Variants in FANCA observed in about 807,000 individuals in gnomAD.
The protein encoded by FANCA is Fanconi anemia group A protein.
Under a neutral mutation model 194.3 loss-of-function variants are expected in FANCA, and 236 were observed. That is an observed-to-expected ratio of 1.21 (90% CI 1.09 to 1.35). FANCA has a LOEUF of 1.35. FANCA is among the 40% of genes most tolerant of loss of function. FANCA has a pLI of 0.00. For synonymous variants in FANCA, 1,014 were observed against 715.8 expected, an observed-to-expected ratio of 1.42 and a Z score of -6.65; for missense variants, 2,628 against 1,813.9, an observed-to-expected ratio of 1.45 and a Z score of -8.15.
Position 89,810,945 on chromosome 16 carries a change from A to G in FANCA, c.410T>C (p.Leu137Pro). 6.2e-7 allele frequency: 1 copy of G among 1,614,156 alleles called. No homozygotes were observed. The highest frequency in any genetic ancestry group is 8.5e-7 in the Non-Finnish European group (1 of 1,180,046). ...APAETSHPVL[L>P]TVEQRKKLSS... ...GTGTCTTACTCTCTGCTCCACAGTC[A>G]GCAGCACAGGGTGACTGGTCTCCGC... The change falls in exon 4 of 43, where the codon CTG becomes CCG. Residue 137 changes from leucine to proline, a missense_variant. Physicochemically the swap from Leu to Pro is moderately conservative, Grantham distance 98 (BLOSUM62 -3). Coordinates refer to ENST00000389301, the MANE Select transcript of FANCA (RefSeq NM_000135.4).
At chr16:89,781,828 T>C (rs2039718408) in intron 17 of FANCA, among the ~76,000 whole-genome samples, 1 of 146,560 alleles carries the variant, frequency 6.8e-6, no homozygotes, top group South Asian at 2.2e-4. Flanking sequence ...TGAAACCTCA[T>C]CTCTACTAAA....
At chr16:89,808,851 T>C (rs11076629) in intron 5 of FANCA, among the ~76,000 whole-genome samples, 102,075 of 151,590 alleles carry the variant, frequency 0.67, 35,395 homozygotes, top group East Asian at 0.99. Context: ...ACACTGTGCC[T>C]GTCACACTGC....
intron 30 of FANCA, among the ~76,000 whole-genome samples, chr16:89,755,577 T>A (rs934075821): frequency 1.3e-5 from 2 of 152,170 alleles, no homozygotes; most frequent in African/African-American, 4.8e-5. Context: ...GATCTGGACT[T>A]TATAAAAATT....
chr16:89,805,081 G>A (rs902317618), intron 7 of FANCA, among the ~76,000 whole-genome samples, 199 bp downstream of exon 7: 1 of 152,098 alleles, frequency 6.6e-6, no homozygotes, highest in Non-Finnish European at 1.5e-5. Context: ...CTCATGTCAA[G>A]GCCGACTTAC....
intron 6 of FANCA, among the ~76,000 whole-genome samples, chr16:89,805,988 C>G (rs1338122751): frequency 6.6e-6 from 1 of 152,090 alleles, no homozygotes; most frequent in East Asian, 1.9e-4. Context: ...TCTCAGCTCA[C>G]TACAACCTCC....
chr16:89,792,109 C>T (rs778744924), intron 12 of FANCA, 41 bp from the exon 13 acceptor site: 3 of 1,613,762 alleles, frequency 1.9e-6, no homozygotes, highest in Admixed American at 3.3e-5. Flanking sequence ...TCCAAGCAAA[C>T]CAATGTGCGA....
rs1454002832 is a variant in FANCA at position 89,738,747 on chromosome 16, C to T, written c.4261-39G>A. ...GCAGGTCCTCAGCCCATGCCGCCCA[C>T]TAGGCCTCAGACCACAGGGGAGGGG... On this transcript the variant is annotated intron_variant, in intron 42 of 42. Transcript: ENST00000389301. 1.8e-5 allele frequency: 29 copies of T among 1,612,826 alleles called. 1 individual carries two copies. In the Admixed American group the frequency reaches 3.5e-4, roughly 20 times the overall value.
intron 26 of FANCA, among the ~76,000 whole-genome samples, chr16:89,768,698 C>T (rs2039215421): frequency 6.6e-6 from 1 of 151,858 alleles, no homozygotes; most frequent in Non-Finnish European, 1.5e-5. Flanking sequence ...AAAAACAAAA[C>T]ACACACCAAA....
chr16:89,777,577 GA>G (rs942094317), intron 20 of FANCA, among the ~76,000 whole-genome samples: 7 of 143,156 alleles, frequency 4.9e-5, no homozygotes, highest in Admixed American at 1.4e-4. Context: ...TACAAAAAAA[GA>G]AAAAAAAAAG....
At chr16:89,795,018 C>T (rs2040195704) in intron 11 of FANCA, among the ~76,000 whole-genome samples, 2 of 152,188 alleles carry the variant, frequency 1.3e-5, no homozygotes, top group Non-Finnish European at 2.9e-5. Flanking sequence ...GGCACAGCGG[C>T]ACACGCCTGT....
chr16:89,816,079 C>T (rs925451520), intron 1 of FANCA, 93 bp from the exon 2 acceptor site: 3 of 900,668 alleles, frequency 3.3e-6, no homozygotes, highest in African/African-American at 3.3e-5. Flanking sequence ...GAGAAACCCA[C>T]CAGCGACACC....
chr16:89,791,316 A>C, intron 14 of FANCA, 87 bp downstream of exon 14: 4 of 1,539,404 alleles, frequency 2.6e-6, no homozygotes, highest in Non-Finnish European at 2.7e-6. Context: ...CTCACATGAC[A>C]GAGAATCAGG....
chr16:89,739,091 G>T (rs776244734), intron 41 of FANCA, 42 bp downstream of exon 41: 1 of 1,613,250 alleles, frequency 6.2e-7, no homozygotes, highest in East Asian at 2.2e-5. Context: ...GCCTCCGGCT[G>T]GGGGGAGCTC....
At chr16:89,770,047 A>G in intron 25 of FANCA, 23 bp from the exon 26 acceptor site, 1 of 1,610,044 alleles carries the variant, frequency 6.2e-7, no homozygotes. Context: ...TGAGGGTGGC[A>G]GAGCAGACTG....
At chr16:89,797,022 T>C (rs1238305667) in intron 10 of FANCA, among the ~76,000 whole-genome samples, 3 of 152,090 alleles carry the variant, frequency 2.0e-5, no homozygotes, top group South Asian at 2.1e-4. Context: ...TAGCCGGGCA[T>C]GGTGGTGGGC....
Position 89,791,462 on chromosome 16 carries a change from C to T in FANCA, c.1300G>A (p.Val434Met). Reference sequence around the variant, plus strand: ...GGGCCCTCCAGTGCTGCCTGGCGCACAACCAGGAACGCAGTGACCATGCTG... The same window carrying T: ...GGGCCCTCCAGTGCTGCCTGGCGCATAACCAGGAACGCAGTGACCATGCTG... ...LDSMVTAFLVVRQAALEGPSA... is the reference protein window; with the variant it reads ...LDSMVTAFLVMRQAALEGPSA... Residue 434 changes from valine to methionine, a missense_variant, in exon 14 of 43, where the codon GTG becomes ATG. Coordinates refer to ENST00000389301, the MANE Select transcript of FANCA (RefSeq NM_000135.4). 2 of 1,614,146 alleles carry T rather than the reference C, an allele frequency of 1.2e-6. No individual in the cohort carries two copies. Among genetic ancestry groups the T allele is most frequent in the Non-Finnish European group, 1.7e-6 (2 of 1,180,024 alleles).
chr16:89,810,609 G>C (rs1003471170), intron 5 of FANCA, 98 bp downstream of exon 5: 2 of 825,110 alleles, frequency 2.4e-6, no homozygotes, highest in Admixed American at 1.7e-5. Flanking sequence ...GAAGCTTGGA[G>C]AATTCCCAAG....
At chr16:89,800,391 C>T (rs1274894092) in intron 8 of FANCA, among the ~76,000 whole-genome samples, 1 of 152,204 alleles carries the variant, frequency 6.6e-6, no homozygotes, top group Non-Finnish European at 1.5e-5. Flanking sequence ...CAGACTTCCT[C>T]AAACAAAGCC....
intron 6 of FANCA, among the ~76,000 whole-genome samples, chr16:89,807,352 G>A (rs1375844248): frequency 6.6e-6 from 1 of 151,938 alleles, no homozygotes; most frequent in African/African-American, 2.4e-5. Context: ...AGCTACTGAG[G>A]AGGCAGGGGC....
Sources: allele counts gnomAD v4.1 joint callset (sites outside exome capture counted in the v4.1 genomes callset), GRCh38; gene constraint gnomAD v4.1.1; transcripts MANE v1.5; gene names NCBI Gene and HGNC (gene_info 2026-07-23, HGNC 2026-07-21).